CREBBP: variants seen among roughly 807,000 people sequenced by gnomAD.
CREBBP encodes the protein CREB binding lysine acetyltransferase.
CREBBP carries 19 observed loss-of-function variants against 265.0 expected under a neutral mutation model. The observed-to-expected ratio is 0.07, with a 90% CI of 0.05 to 0.11. The LOEUF is 0.11. Ranked by LOEUF, CREBBP falls within the 10% of genes least tolerant of loss-of-function variation. The pLI, the probability that CREBBP is intolerant of heterozygous loss-of-function variation, is 1.00. For synonymous variants in CREBBP, 1,457 were observed against 1,223.7 expected (o/e 1.19, Z -3.98); for missense variants, 2,525 against 3,219.0 (o/e 0.78, Z 5.22).
chr16:3,745,047 G>A, intron 22 of CREBBP, 86 bp from the exon 23 acceptor site: 1 of 1,076,724 alleles, frequency 9.3e-7, no homozygotes, highest in Admixed American at 1.8e-5. Context: ...ATAGTTTGTT[G>A]GCAGTTTAAA....
In CREBBP at chr16:3,736,041, T is replaced by C. The variant is rs201469680; in HGVS notation, c.4723A>G (p.Thr1575Ala). The change falls in exon 28 of 31, where the codon ACT becomes GCT. Residue 1575 changes from threonine to alanine, a missense_variant. Transcript: ENST00000262367. ...GCTCAGAGAAGGGTCTGTACCTCAG[T>C]GGTTTCACTGGCTGCAGTGCTCTCT... ...KEESTAASET[T>A]EGSQGDSKNA... 3 of 1,614,170 alleles carry C rather than the reference T, an allele frequency of 1.9e-6. No homozygotes were observed. Among genetic ancestry groups the C allele is most frequent in the East Asian group, 4.5e-5 (2 of 44,878 alleles).
At chr16:3,871,580 T>C (rs2055300954) in intron 1 of CREBBP, among the ~76,000 whole-genome samples, 1 of 152,242 alleles carries the variant, frequency 6.6e-6, no homozygotes, top group Admixed American at 6.5e-5. Context: ...AATCTCCTTA[T>C]TTAAATGTTG....
chr16:3,824,293 T>C (rs2054197698), intron 2 of CREBBP, among the ~76,000 whole-genome samples: 1 of 152,226 alleles, frequency 6.6e-6, no homozygotes, highest in Admixed American at 6.5e-5. Context: ...TAAACAGGAA[T>C]GGGGAAAAAC....
chr16:3,879,426 G>C (rs1289425929), intron 1 of CREBBP, among the ~76,000 whole-genome samples: 1 of 152,168 alleles, frequency 6.6e-6, no homozygotes, highest in Non-Finnish European at 1.5e-5. Context: ...CCTACCTTTG[G>C]CCGCGATCTT....
intron 18 of CREBBP, 71 bp from the exon 19 acceptor site, chr16:3,757,447 TA>T: frequency 8.0e-7 from 1 of 1,245,226 alleles, no homozygotes; most frequent in Non-Finnish European, 1.2e-6. Context: ...TGTTCTAGTC[TA>T]CTATAGAGAC....
At chr16:3,768,061 AGAAATAAAGTACTTG>A (rs2052901183) in intron 15 of CREBBP, 152 bp from the exon 16 acceptor site, 1 of 725,624 alleles carries the variant, frequency 1.4e-6, no homozygotes, top group Non-Finnish European at 2.4e-6. Flanking sequence ...TTCCGGAAGA[AGAAATAAAGTACTTG>A]GTGTTCATTA....
chr16:3,791,000 A>G (rs1294502477), intron 5 of CREBBP, among the ~76,000 whole-genome samples: 1 of 152,128 alleles, frequency 6.6e-6, no homozygotes, highest in Non-Finnish European at 1.5e-5. Flanking sequence ...GAAGAATGAG[A>G]GGAATGAACA....
chr16:3,760,939 G>A (rs988357045), intron 16 of CREBBP, among the ~76,000 whole-genome samples: 2 of 151,960 alleles, frequency 1.3e-5, no homozygotes, highest in Non-Finnish European at 2.9e-5. Context: ...GGCCTGGTCT[G>A]TTTTTTGTAT....
At chr16:3,805,511 A>C (rs1283820582) in intron 3 of CREBBP, among the ~76,000 whole-genome samples, 5 of 152,244 alleles carry the variant, frequency 3.3e-5, no homozygotes, top group Non-Finnish European at 5.9e-5. Flanking sequence ...CATTTGTGCA[A>C]GGAAACCAAA....
intron 8 of CREBBP, 108 bp downstream of exon 8, chr16:3,780,624 A>G: frequency 8.2e-7 from 1 of 1,223,722 alleles, no homozygotes; most frequent in Non-Finnish European, 1.2e-6. Flanking sequence ...GTGGCTCCCT[A>G]AATAAGCACG....
At chr16:3,799,425 C>G (rs75919888) in intron 3 of CREBBP, among the ~76,000 whole-genome samples, 1 of 152,104 alleles carries the variant, frequency 6.6e-6, no homozygotes, top group Non-Finnish European at 1.5e-5. Flanking sequence ...TTAAAAAATG[C>G]TAATTGGTAT....
chr16:3,847,049 C>CA (rs1400837492), intron 2 of CREBBP, among the ~76,000 whole-genome samples: 1 of 151,998 alleles, frequency 6.6e-6, no homozygotes, highest in African/African-American at 2.4e-5. Context: ...GCTGCACTAG[C>CA]AAAAAGTCAG....
At chr16:3,839,847 G>A (rs920808412) in intron 2 of CREBBP, among the ~76,000 whole-genome samples, 1 of 151,432 alleles carries the variant, frequency 6.6e-6, no homozygotes, top group African/African-American at 2.4e-5. Flanking sequence ...GAAAGAGAGA[G>A]AGGAAGAGTG....
At chr16:3,836,271 CA>C (rs1348509755) in intron 2 of CREBBP, among the ~76,000 whole-genome samples, 1 of 150,724 alleles carries the variant, frequency 6.6e-6, no homozygotes, top group African/African-American at 2.4e-5. Context: ...CTATCTCTAC[CA>C]AAAAGAAAAA....
chr16:3,870,365 C>T (rs1247237382), intron 1 of CREBBP, among the ~76,000 whole-genome samples: 1 of 152,148 alleles, frequency 6.6e-6, no homozygotes, highest in Non-Finnish European at 1.5e-5. Context: ...ATCCCAAGGC[C>T]ATTTTCTTCC....
At chr16:3,827,095 T>C (rs1187423797) in intron 2 of CREBBP, among the ~76,000 whole-genome samples, 2 of 152,048 alleles carry the variant, frequency 1.3e-5, no homozygotes, top group South Asian at 2.1e-4. Context: ...TTCAAGGCTG[T>C]AGTACACTAT....
At chr16:3,746,694 C>T (rs142161410) in intron 21 of CREBBP, among the ~76,000 whole-genome samples, 1 of 152,276 alleles carries the variant, frequency 6.6e-6, no homozygotes, top group African/African-American at 2.4e-5. Flanking sequence ...CACCTGTAAT[C>T]CTAGCATGTG....
intron 2 of CREBBP, among the ~76,000 whole-genome samples, chr16:3,839,396 T>G (rs2054520117): frequency 6.6e-6 from 1 of 152,072 alleles, no homozygotes; most frequent in South Asian, 2.1e-4. Flanking sequence ...AAGAAATTCA[T>G]AAGGCTGGGT....
chr16:3,753,556 AT>A (rs925212602), intron 19 of CREBBP, among the ~76,000 whole-genome samples: 11 of 149,714 alleles, frequency 7.3e-5, no homozygotes, highest in South Asian at 2.1e-4. Context: ...TTAAATATGT[AT>A]TTTTTTTTTC....
Sources: gnomAD v4.1 joint callset for allele counts (sites outside exome capture counted in the v4.1 genomes callset) on GRCh38, gnomAD v4.1.1 for gene constraint, MANE v1.5 for transcripts, NCBI Gene and HGNC (gene_info 2026-07-23, HGNC 2026-07-21) for gene names.